The following FANCD2 variants were observed in gnomAD, a reference collection of about 807,000 sequenced individuals.
FANCD2 encodes FA complementation group D2.
FANCD2 carries 131 observed loss-of-function variants against 192.3 expected under a neutral mutation model. The ratio of observed to expected loss-of-function variants is 0.68; its 90% CI spans 0.59 to 0.79. The LOEUF (loss-of-function observed/expected upper bound fraction) is 0.79, where lower values mean the gene tolerates loss of function less well. Among genes scored for constraint, FANCD2 ranks in the 30% least tolerant of loss-of-function variants. The probability of loss-of-function intolerance (pLI) is 0.00; values close to 1 mark genes in which losing one functional copy is unlikely to be tolerated. For missense variants in FANCD2, 1,508 were observed against 1,701.6 expected, an observed-to-expected ratio of 0.89 and a Z score of 2.00; for synonymous variants, 524 against 612.5, an observed-to-expected ratio of 0.86 and a Z score of 2.13.
chr3:10,041,537 C>T (rs2086862851), intron 9 of FANCD2, 86 bp from the exon 10 acceptor site: 2 of 942,742 alleles, frequency 2.1e-6, no homozygotes, highest in Non-Finnish European at 3.5e-6. Context: ...TATTTTCATA[C>T]TCTAATAAAT....
chr3:10,078,311 A>G (rs1693641908), intron 30 of FANCD2, 114 bp downstream of exon 30: 7 of 762,306 alleles, frequency 9.2e-6, no homozygotes, highest in Admixed American at 1.7e-5. Context: ...ACTGGGTAGC[A>G]TGGGTGCAGC....
At chr3:10,089,939 TG>T (rs1694483177) in intron 36 of FANCD2, among the ~76,000 whole-genome samples, 1 of 152,206 alleles carries the variant, frequency 6.6e-6, no homozygotes. Context: ...TTGGTATCAT[TG>T]CCCCTATTTT....
intron 10 of FANCD2, among the ~76,000 whole-genome samples, chr3:10,042,225 G>T (rs1322258053): frequency 6.6e-6 from 1 of 152,102 alleles, no homozygotes; most frequent in African/African-American, 2.4e-5. Flanking sequence ...AGTAAGTTTT[G>T]AGTGGAAATC....
At position 10,088,571 on chromosome 3, in the gene FANCD2, C is replaced by A. The variant is rs770473878; in HGVS notation, c.3560+29C>A. The A allele has an allele frequency of 4.2e-6, 6 of 1,440,896 alleles. No homozygotes were observed. In the African/African-American group the frequency reaches 8.4e-5, roughly 20 times the overall value. 89.3% of individuals were successfully genotyped at this position (1,440,896 alleles called of 1,614,324 possible). A position where few individuals can be genotyped will look rare whatever the true frequency, so the allele number is the denominator to read the frequency against. ...AGATGTTTGGTTTCTTCCAATGAGC[C>A]AAATAGCTTTTTTCTATTTTGCTAC... is the stretch of plus-strand genomic sequence containing the variant. On this transcript the variant is annotated intron_variant, in intron 35 of 43. Transcript: ENST00000675286.
At chr3:10,064,926 G>A (rs572046844) in intron 23 of FANCD2, 51 bp downstream of exon 23, 1 of 1,595,872 alleles carries the variant, frequency 6.3e-7, no homozygotes, top group East Asian at 2.2e-5. Flanking sequence ...AATGTTCATG[G>A]GGAATTCCAC....
At chr3:10,099,019 A>C in intron 43 of FANCD2, 1 of 1,612,098 alleles carries the variant, frequency 6.2e-7, no homozygotes, top group Non-Finnish European at 8.5e-7. Flanking sequence ...ATCACTCCTG[A>C]GTATCTCGAG....
intron 18 of FANCD2, among the ~76,000 whole-genome samples, chr3:10,058,699 G>T (rs2087482258): frequency 6.6e-6 from 1 of 152,096 alleles, no homozygotes; most frequent in South Asian, 2.1e-4. Context: ...TATTTCATTG[G>T]TCTATACGTC....
At chr3:10,088,428 C>T in intron 34 of FANCD2, 21 bp from the exon 35 acceptor site, 1 of 1,492,210 alleles carries the variant, frequency 6.7e-7, no homozygotes, top group Non-Finnish European at 9.4e-7. Flanking sequence ...TGTAAGATTC[C>T]TTTGTCTTCT....
chr3:10,034,197 G>A (rs2086671609), intron 3 of FANCD2, among the ~76,000 whole-genome samples: 1 of 142,388 alleles, frequency 7.0e-6, no homozygotes, highest in Non-Finnish European at 1.5e-5. Context: ...AAAAAAACGT[G>A]TCTGTAGTCC....
intron 30 of FANCD2, among the ~76,000 whole-genome samples, chr3:10,078,689 C>T (rs1284053464): frequency 6.9e-6 from 1 of 145,650 alleles, no homozygotes; most frequent in Admixed American, 6.9e-5. Context: ...GAAGGCTGGG[C>T]GTGGTGGCTC....
In FANCD2 at chr3:10,065,401, T is replaced by C. The variant is rs1168778380; in HGVS notation, c.2176T>C (p.Ser726Pro). The change falls in exon 24 of 44, where the codon TCT becomes CCT. Residue 726 changes from serine (S) to proline (P), a missense_variant. Ser to Pro is a moderately conservative substitution (Grantham distance 74, BLOSUM62 -1). Transcript: ENST00000675286. ...TTTATTTCTCCTTCTCAGATTGGTG[T>C]CTCCGCTGTGCCTGGCTCCGTATTT... The part of the protein sequence containing the change: ...TSQESGQKLV[S>P]PLCLAPYFRL... 3 of 1,611,840 alleles carry C rather than the reference T, an allele frequency of 1.9e-6. No individual in the cohort carries two copies. In the African/African-American group the frequency reaches 4.0e-5, roughly 22 times the overall value.
At position 10,043,480 on chromosome 3, in the gene FANCD2, GT is replaced by G. The variant is rs2086917100; in HGVS notation, c.990-3del. On this transcript the variant is annotated splice_polypyrimidine_tract_variant and splice_region_variant and intron_variant, in intron 12 of 43. Coordinates refer to ENST00000675286, the MANE Select transcript of FANCD2 (RefSeq NM_001018115.3). ...GTAATTTTTTTCCTCTCTGCTACTT[GT>G]AGTTCCTCAGGAAATCAAGAAAGCA... 1 of 1,611,112 alleles carries G rather than the reference GT, an allele frequency of 6.2e-7. No homozygotes were observed. The highest frequency in any genetic ancestry group is 1.7e-5 in the Admixed American group (1 of 59,976).
Position 10,083,289 on chromosome 3 carries a change from A to G in FANCD2, c.3224+1825A>G, listed in dbSNP as rs1278015769. ...TTAACACAGAAAATAAACCATCTCT[A>G]AAAATTATAAAAACAATTAAAATAA... On this transcript the variant is annotated intron_variant, in intron 32 of 43. Transcript: ENST00000675286. Among the ~76,000 whole-genome samples the G allele has an allele frequency of 2.0e-5, 3 of 152,192 alleles. No individual in the cohort carries two copies. The South Asian group carries it at 6.2e-4, about 32-fold the overall frequency.
chr3:10,098,042 T>G (rs528343291), intron 42 of FANCD2, among the ~76,000 whole-genome samples: 271 of 152,328 alleles, frequency 1.8e-3, no homozygotes, highest in African/African-American at 6.2e-3. Context: ...AATACTACTT[T>G]GGAGTTACAA....
At chr3:10,047,387 T>G (rs1367468180) in intron 15 of FANCD2, among the ~76,000 whole-genome samples, 1 of 152,296 alleles carries the variant, frequency 6.6e-6, no homozygotes, top group East Asian at 1.9e-4. Flanking sequence ...AATATAAGAT[T>G]TTTAAAAATT....
intron 38 of FANCD2, among the ~76,000 whole-genome samples, chr3:10,092,875 G>A (rs1284396521): frequency 6.6e-6 from 1 of 151,242 alleles, no homozygotes; most frequent in Non-Finnish European, 1.5e-5. Context: ...TATTTTTTGT[G>A]GAAACAGGGT....
chr3:10,099,388 C>A, intron 43 of FANCD2: 1 of 1,086,984 alleles, frequency 9.2e-7, no homozygotes, highest in Non-Finnish European at 1.1e-6. Flanking sequence ...TTTTTGAGGC[C>A]AAGGTAGGAG....
chr3:10,090,015 A>G (rs923961098), intron 36 of FANCD2, among the ~76,000 whole-genome samples: 1 of 152,200 alleles, frequency 6.6e-6, no homozygotes, highest in African/African-American at 2.4e-5. Context: ...ATAAACATAG[A>G]ACCAGGACTC....
At chr3:10,030,945 G>A (rs902213080) in intron 2 of FANCD2, among the ~76,000 whole-genome samples, 1 of 151,972 alleles carries the variant, frequency 6.6e-6, no homozygotes, top group Non-Finnish European at 1.5e-5. Context: ...GATTAGTAAT[G>A]GGGTTCTAGA....
Sources: gnomAD v4.1 joint callset for allele counts (sites outside exome capture counted in the v4.1 genomes callset) on GRCh38, gnomAD v4.1.1 for gene constraint, MANE v1.5 for transcripts, NCBI Gene and HGNC (gene_info 2026-07-23, HGNC 2026-07-21) for gene names.